TRHDE: variants seen among roughly 807,000 people sequenced by gnomAD.
TRHDE encodes thyrotropin-releasing hormone-degrading ectoenzyme.
A neutral mutation model predicts 125.7 loss-of-function variants in TRHDE; 72 were observed. The ratio of observed to expected loss-of-function variants is 0.57; its 90% CI spans 0.47 to 0.70. TRHDE has a LOEUF of 0.70. TRHDE is among the 30% of genes least tolerant of loss of function. The pLI is 0.00. For missense variants in TRHDE, 1,110 were observed against 1,327.1 expected, an observed-to-expected ratio of 0.84 and a Z score of 2.54; for synonymous variants, 509 against 509.1, an observed-to-expected ratio of 1.00 and a Z score of 0.00.
intron 3 of TRHDE, among the ~76,000 whole-genome samples, chr12:72,458,914 GAT>G (rs1320688408): frequency 1.3e-5 from 2 of 152,130 alleles, no homozygotes; most frequent in African/African-American, 4.8e-5. Context: ...TAATGATGAT[GAT>G]GATAATAACT....
At chr12:72,406,130 GTAT>G (rs1312312224) in intron 3 of TRHDE, among the ~76,000 whole-genome samples, 1 of 152,086 alleles carries the variant, frequency 6.6e-6, no homozygotes, top group Non-Finnish European at 1.5e-5. Context: ...ATAATATGCT[GTAT>G]TATTTCAAAT....
At chr12:72,141,722 G>C (rs1876115396) in intron 2 of TRHDE, among the ~76,000 whole-genome samples, 1 of 152,178 alleles carries the variant, frequency 6.6e-6, no homozygotes. Context: ...AACATGACAT[G>C]CTATAATGTA....
chr12:72,322,594 G>A (rs1869146046), intron 2 of TRHDE, among the ~76,000 whole-genome samples: 1 of 140,268 alleles, frequency 7.1e-6, no homozygotes, highest in African/African-American at 2.6e-5. Flanking sequence ...ACTTAAACTT[G>A]TATTTTCCAC....
intron 5 of TRHDE, among the ~76,000 whole-genome samples, chr12:72,498,600 AG>A (rs1334558397): frequency 1.3e-5 from 2 of 152,158 alleles, no homozygotes; most frequent in Non-Finnish European, 2.9e-5. Flanking sequence ...GCAGGAGGCC[AG>A]GAAGACTACT....
At chr12:72,654,151 T>TTAAC (rs1161925488) in intron 17 of TRHDE, among the ~76,000 whole-genome samples, 2 of 152,166 alleles carry the variant, frequency 1.3e-5, no homozygotes, top group African/African-American at 4.8e-5. Context: ...ATACAAACAT[T>TTAAC]TAACTTAAAA....
intron 3 of TRHDE, among the ~76,000 whole-genome samples, chr12:72,379,706 T>C (rs887664559): frequency 3.9e-5 from 6 of 152,226 alleles, no homozygotes; most frequent in African/African-American, 1.4e-4. Context: ...TCTGTTCCTC[T>C]GTTTCACTCA....
At chr12:72,181,616 A>G (rs1877098202) in intron 2 of TRHDE, among the ~76,000 whole-genome samples, 1 of 152,234 alleles carries the variant, frequency 6.6e-6, no homozygotes, top group African/African-American at 2.4e-5. Context: ...TTAAATATGT[A>G]TATGCTAATA....
rs556633624 is a variant in TRHDE at position 72,404,998 on chromosome 12, G to A, written c.1315+26877G>A. On this transcript the variant is annotated intron_variant, in intron 3 of 18. Coordinates refer to ENST00000261180, the MANE Select transcript of TRHDE (RefSeq NM_013381.3). ...TATGGATTAGCTGTGATAAATTCTT[G>A]AAGGAGATTGTAATGAGGGAGACAG... Among the ~76,000 whole-genome samples, 5 of 152,322 alleles carry A rather than the reference G, an allele frequency of 3.3e-5. No homozygotes were observed. In the South Asian group the frequency reaches 1.0e-3, roughly 32 times the overall value.
Position 72,667,901 on chromosome 12 carries a change from G to A in TRHDE, c.*4706G>A, listed in dbSNP as rs539520743. Reference sequence around the variant, plus strand: ...TGCAGGAATACTTTAATCTACTTACGAAAAAGTAGTTCAAGTTTTCTAAAA... The same window carrying A: ...TGCAGGAATACTTTAATCTACTTACAAAAAAGTAGTTCAAGTTTTCTAAAA... On this transcript the variant is annotated 3_prime_UTR_variant, in exon 19 of 19. Coordinates refer to ENST00000261180, the MANE Select transcript of TRHDE (RefSeq NM_013381.3). 16 of 151,672 alleles carry A rather than the reference G, an allele frequency of 1.1e-4. No individual in the cohort carries two copies. In the South Asian group the frequency reaches 2.7e-3, roughly 26 times the overall value. The allele number at this position is 151,672 out of a possible 1,614,324, so 9.4% of individuals were successfully genotyped here.
At chr12:72,144,306 A>T (rs1464133908) in intron 2 of TRHDE, among the ~76,000 whole-genome samples, 5 of 152,222 alleles carry the variant, frequency 3.3e-5, no homozygotes, top group Admixed American at 6.5e-5. Flanking sequence ...CCCATCCTTT[A>T]ACGTTCTGGC....
chr12:72,147,430 G>A (rs1189350099), intron 2 of TRHDE: 3 of 152,144 alleles, frequency 2.0e-5, no homozygotes, highest in African/African-American at 4.8e-5. Flanking sequence ...ATCTACTAGA[G>A]CTGAGTGCTA....
At chr12:72,443,790 C>G (rs1453491196) in intron 3 of TRHDE, among the ~76,000 whole-genome samples, 1 of 151,740 alleles carries the variant, frequency 6.6e-6, no homozygotes, top group African/African-American at 2.4e-5. Flanking sequence ...AGGGGAGAGG[C>G]TGCTATAGAA....
At chr12:72,568,767 G>C (rs11179252) in intron 10 of TRHDE, 111 bp downstream of exon 10, 1 of 600,518 alleles carries the variant, frequency 1.7e-6, no homozygotes, top group Non-Finnish European at 2.9e-6. Context: ...ATTAGAAAGA[G>C]AATATAAAGG....
At chr12:72,271,637 C>T (rs1879215033), upstream of TRHDE, among the ~76,000 whole-genome samples, 1 of 152,140 alleles carries the variant, frequency 6.6e-6, no homozygotes, top group Admixed American at 6.5e-5. Context: ...TCGCGCGCTC[C>T]CTCTCCTTTG....
intron 6 of TRHDE, among the ~76,000 whole-genome samples, chr12:72,524,620 G>A (rs1327812990): frequency 6.6e-6 from 1 of 152,112 alleles, no homozygotes; most frequent in African/African-American, 2.4e-5. Flanking sequence ...GAGAAGCATG[G>A]CTTTATTCAA....
Position 72,206,000 on chromosome 12 carries a change from C to T in TRHDE, n.279+100248C>T, listed in dbSNP as rs577851162. ...CACAAGGGTTTCAATTTTTCCACATCCTCACCAGCACCTGTGATTTTTCTG... is the reference window on the plus strand; with the variant it reads ...CACAAGGGTTTCAATTTTTCCACATTCTCACCAGCACCTGTGATTTTTCTG... On this transcript the variant is annotated intron_variant and non_coding_transcript_variant, in intron 2 of 4. Coordinates refer to the TRHDE transcript ENST00000548156. Among the ~76,000 whole-genome samples, 70 of 152,170 alleles carry T rather than the reference C, an allele frequency of 4.6e-4. 1 individual carries two copies. The highest frequency in any genetic ancestry group is 1.7e-3 in the African/African-American group (69 of 41,516).
chr12:72,272,365 C>A (rs965848799), upstream of TRHDE: 2 of 369,720 alleles, frequency 5.4e-6, no homozygotes, highest in Admixed American at 7.5e-5. The surrounding 1 kb of genome is among the most constrained non-coding windows in gnomAD (Gnocchi z 6.7). Flanking sequence ...GCCGGGTGCT[C>A]GTCCGAGAAG....
At chr12:72,377,966 A>G in intron 2 of TRHDE, 29 bp from the exon 3 acceptor site, 1 of 1,506,622 alleles carries the variant, frequency 6.6e-7, no homozygotes, top group Non-Finnish European at 8.9e-7. Flanking sequence ...TAAAAGGCTA[A>G]AGTAACTTTT....
intron 2 of TRHDE, among the ~76,000 whole-genome samples, chr12:72,292,776 G>T (rs994112720): frequency 2.0e-5 from 3 of 152,142 alleles, no homozygotes; most frequent in Admixed American, 6.6e-5. Context: ...ATATTTCAAG[G>T]CTTTTGATAT....
Sources: gnomAD v4.1 joint callset for allele counts (sites outside exome capture counted in the v4.1 genomes callset) on GRCh38, gnomAD v4.1.1 for gene constraint, Gnocchi (gnomAD v3.1) non-coding constraint, MANE v1.5 for transcripts, NCBI Gene and HGNC (gene_info 2026-07-23, HGNC 2026-07-21) for gene names.